BTBD19: variants seen among roughly 807,000 people sequenced by gnomAD.
BTBD19 encodes BTB domain containing 19, also known as BTB/POZ domain-containing protein 19.
Under a neutral mutation model 36.1 loss-of-function variants are expected in BTBD19, and 20 were observed. The observed-to-expected ratio is 0.55, with a 90% confidence interval of 0.39 to 0.80. The LOEUF (loss-of-function observed/expected upper bound fraction) is 0.80. Ranked by LOEUF, BTBD19 falls within the 30% of genes least tolerant of loss-of-function variation. The pLI, the probability that BTBD19 is intolerant of heterozygous loss-of-function variation, is 0.00. For synonymous variants in BTBD19, 157 were observed against 174.3 expected (o/e 0.90, Z 0.78); for missense variants, 325 against 389.8 (o/e 0.83, Z 1.40).
chr1:44,812,904 C>T, intron 4 of BTBD19, 92 bp from the exon 5 acceptor site: 1 of 1,248,762 alleles, frequency 8.0e-7, no homozygotes. Flanking sequence ...CCAGCTAGGG[C>T]TAGGGTCAGG....
At position 44,810,334 on chromosome 1, in the gene BTBD19, A is replaced by G. The variant is rs1652343093; in HGVS notation, c.208A>G (p.Ser70Gly). 1 of 1,551,700 alleles carries G rather than the reference A, an allele frequency of 6.4e-7. No homozygotes were observed. The highest frequency in any genetic ancestry group is 1.2e-5 in the South Asian group (1 of 84,066). Residue 70 changes from serine to glycine, a missense_variant, in exon 2 of 8, where the codon AGT (serine) becomes GGT (glycine). Coordinates refer to ENST00000450269, the Ensembl canonical transcript of BTBD19. This position sits in a 1 kb window ranked among gnomAD's most constrained non-coding sequence, Gnocchi z 4.2. ...CACAGAGCCAGGCCCCGGGGTGCCC[A>G]GTCCTGTGGTGCTAAGCACTGTGCC...
In BTBD19 at chr1:44,813,747, G is replaced by C. The variant is rs940752704; in HGVS notation, c.851G>C (p.Arg284Pro). Reference sequence around the variant, plus strand: ...GGCACCCTGCCCCGGGAGCATCACCGCTTTCTGGACCTGTCCTTCAAATGA... The same window carrying C: ...GGCACCCTGCCCCGGGAGCATCACCCCTTTCTGGACCTGTCCTTCAAATGA... The change falls in exon 8 of 8, where the codon CGC becomes CCC. Residue 284 changes from arginine to proline, a missense_variant. By Grantham distance (103) the Arg-to-Pro change is moderately radical. Coordinates refer to ENST00000450269, the Ensembl canonical transcript of BTBD19. The surrounding 1 kb of genome is among the most constrained non-coding windows in gnomAD (Gnocchi z 7.8). 6.4e-7 allele frequency: 1 copy of C among 1,551,288 alleles called. No individual in the cohort carries two copies. Among genetic ancestry groups the C allele is most frequent in the Non-Finnish European group, 8.7e-7 (1 of 1,146,846 alleles).
chr1:44,813,936 G>A lies in BTBD19; in HGVS notation c.*164G>A, dbSNP rs927105760. ...GTCTGCCACGCGCAGCCCCTTGTGC[G>A]GGATCAAGCCCGTGTGGGCGAGGTG... On this transcript the variant is annotated 3_prime_UTR_variant, in exon 8 of 8. Transcript: ENST00000450269. The surrounding 1 kb of genome is among the most constrained non-coding windows in gnomAD (Gnocchi z 7.8). 1.7e-6 allele frequency: 2 copies of A among 1,205,174 alleles called. No individual in the cohort carries two copies. The highest frequency in any genetic ancestry group is 1.5e-5 in the South Asian group (1 of 67,788). The allele number at this position is 1,205,174 out of a possible 1,614,324, so 74.7% of individuals were successfully genotyped here.
chr1:44,810,522 CCCTT>C lies in BTBD19; in HGVS notation c.301-29_301-26del. ...CTGTGGGCACAGGGCAGGGGAAACT[CCCTT>C]CCACTCCCCCAACCACCCACTCTAC... On this transcript the variant is annotated intron_variant, in intron 2 of 7. Coordinates refer to ENST00000450269, the Ensembl canonical transcript of BTBD19. The surrounding 1 kb of genome is among the most constrained non-coding windows in gnomAD (Gnocchi z 4.2). The C allele has an allele frequency of 6.4e-7, 1 of 1,550,670 alleles. No homozygotes were observed. Among genetic ancestry groups the C allele is most frequent in the Non-Finnish European group, 8.7e-7 (1 of 1,146,854 alleles).
Position 44,813,051 on chromosome 1 carries a change from A to G in BTBD19, c.470A>G (p.Glu157Gly). 6.4e-7 allele frequency: 1 copy of G among 1,551,422 alleles called. No individual in the cohort carries two copies. The highest frequency in any genetic ancestry group is 8.7e-7 in the Non-Finnish European group (1 of 1,146,820). ...CAGGAGCGCTGCGTGGCTTTCATAG[A>G]GGCCCACAGCCAGGTACTGCTCCCT... The change falls in exon 5 of 8, where the codon GAG becomes GGG. Residue 157 changes from glutamate (E) to glycine (G), a missense_variant. Transcript: ENST00000450269. This position sits in a 1 kb window ranked among gnomAD's most constrained non-coding sequence, Gnocchi z 7.8.
At position 44,810,492 on chromosome 1, in the gene BTBD19, T is replaced by C. The variant is rs1652355037; in HGVS notation, c.301-62T>C. On this transcript the variant is annotated intron_variant, in intron 2 of 7. Transcript: ENST00000450269. This position sits in a 1 kb window ranked among gnomAD's most constrained non-coding sequence, Gnocchi z 4.2. ...GGTGCCAGAGGCAGGAGTTTGCCCA[T>C]TACACTGTGGGCACAGGGCAGGGGA... 1 of 1,549,792 alleles carries C rather than the reference T, an allele frequency of 6.5e-7. No homozygotes were observed. The highest frequency in any genetic ancestry group is 1.2e-5 in the South Asian group (1 of 83,660).
At chr1:44,814,166 CTTTCTT>C (rs1243107250), downstream of BTBD19, 3 of 137,040 alleles carry the variant, frequency 2.2e-5, no homozygotes, top group South Asian at 6.8e-4. Context: ...TTCTTTCTTT[CTTTCTT>C]TCTTTCTTTC....
In BTBD19 at chr1:44,813,847, T is replaced by A. The variant is rs554796209; in HGVS notation, c.*75T>A. On this transcript the variant is annotated 3_prime_UTR_variant, in exon 8 of 8. Transcript: ENST00000450269. The surrounding 1 kb of genome is among the most constrained non-coding windows in gnomAD (Gnocchi z 7.8). ...CCCCAAACTACAGCTCCCGAAGTGCTCGGCGTTCGGAGCGGGCTTCCGTTC... is the reference window on the plus strand; with the variant it reads ...CCCCAAACTACAGCTCCCGAAGTGCACGGCGTTCGGAGCGGGCTTCCGTTC... The A allele has an allele frequency of 3.9e-6, 6 of 1,534,000 alleles. No homozygotes were observed. In the African/African-American group the frequency reaches 8.3e-5, roughly 21 times the overall value.
chr1:44,809,818 TGGA>T (rs1652315708), intron 1 of BTBD19, among the ~76,000 whole-genome samples: 1 of 152,194 alleles, frequency 6.6e-6, no homozygotes, highest in African/African-American at 2.4e-5. Context: ...TTGCAGCTGG[TGGA>T]GGAGGAGCCA....
chr1:44,810,406 G>T lies in BTBD19; in HGVS notation c.280G>T (p.Val94Phe), dbSNP rs886477079. Residue 94 changes from valine (V) to phenylalanine (F), a missense_variant, in exon 2 of 8, where the codon GTC becomes TTC. By Grantham distance (50) the Val-to-Phe change is conservative. Coordinates refer to ENST00000450269, the Ensembl canonical transcript of BTBD19. The surrounding 1 kb of genome is among the most constrained non-coding windows in gnomAD (Gnocchi z 4.2). ...GCTGGAGTTCCTATATACCAACAGTGTCAAGCTGTACCGCCACTCTGTGAG... is the reference window on the plus strand; with the variant it reads ...GCTGGAGTTCCTATATACCAACAGTTTCAAGCTGTACCGCCACTCTGTGAG... The T allele has an allele frequency of 1.3e-5, 20 of 1,551,442 alleles. No homozygotes were observed. Among genetic ancestry groups the T allele is most frequent in the South Asian group, 2.4e-5 (2 of 84,066 alleles).
At position 44,813,133 on chromosome 1, in the gene BTBD19, C is replaced by T. The variant is rs1348725571; in HGVS notation, c.484-5C>T. 5 of 1,541,642 alleles carry T rather than the reference C, an allele frequency of 3.2e-6. No homozygotes were observed. The highest frequency in any genetic ancestry group is 2.5e-5 in the East Asian group (1 of 40,746). On this transcript the variant is annotated splice_region_variant and splice_polypyrimidine_tract_variant and intron_variant, in intron 5 of 7. Coordinates refer to ENST00000450269, the Ensembl canonical transcript of BTBD19. The surrounding 1 kb of genome is among the most constrained non-coding windows in gnomAD (Gnocchi z 7.8). ...CTCCTCCCTGACCCATTTGCCGGCT[C>T]GCAGGAGGCCCTCCGGACCCGAGGC...
At chr1:44,809,408 G>A (rs1652296171) in intron 1 of BTBD19, among the ~76,000 whole-genome samples, 2 of 152,186 alleles carry the variant, frequency 1.3e-5, no homozygotes, top group Non-Finnish European at 1.5e-5. Flanking sequence ...GATGCCAGTG[G>A]TGTCTGAAAC....
At position 44,808,918 on chromosome 1, in the gene BTBD19, G is replaced by A. The variant is rs1370932119; in HGVS notation, c.86+12G>A. The A allele has an allele frequency of 1.3e-6, 2 of 1,531,824 alleles. No homozygotes were observed. Among genetic ancestry groups the A allele is most frequent in the African/African-American group, 2.8e-5 (2 of 72,130 alleles). The allele number at this position is 1,531,824 out of a possible 1,614,324, so 94.9% of individuals were successfully genotyped here. On this transcript the variant is annotated intron_variant, in intron 1 of 7. Coordinates refer to ENST00000450269, the Ensembl canonical transcript of BTBD19. ...AACCCGCGATACAGGTGAGGGGTGG[G>A]CCCTGCCTGCGGGTTTTTCTTAGCT... is the stretch of plus-strand genomic sequence containing the variant.
chr1:44,810,375 G>C lies in BTBD19; in HGVS notation c.249G>C (p.Leu83=). The C allele has an allele frequency of 5.2e-6, 8 of 1,551,710 alleles. No homozygotes were observed. The highest frequency in any genetic ancestry group is 6.1e-6 in the Non-Finnish European group (7 of 1,146,996). The stretch of plus-strand genomic sequence containing the variant: ...GCACTGTGCCAACTGAGGCCTTCCT[G>C]GCAGTGCTGGAGTTCCTATATACCA... Residue 83 remains leucine (L), a synonymous_variant, in exon 2 of 8, where the codon CTG becomes CTC. Coordinates refer to ENST00000450269, the Ensembl canonical transcript of BTBD19. The surrounding 1 kb of genome is among the most constrained non-coding windows in gnomAD (Gnocchi z 4.2).
chr1:44,812,142 G>A (rs554995076), intron 4 of BTBD19, 44 bp downstream of exon 4: 6 of 1,263,126 alleles, frequency 4.8e-6, no homozygotes, highest in East Asian at 5.6e-5. Flanking sequence ...GGCTCTGTGT[G>A]TGGAAATGGG....
At chr1:44,814,216 C>CTTTCTTTCTTTCTT (rs1652615424), downstream of BTBD19, 1 of 98,736 alleles carries the variant, frequency 1.0e-5, no homozygotes, top group African/African-American at 4.7e-5. Context: ...CTTTCTTTTT[C>CTTTCTTTCTTTCTT]TTTCTTTCTC....
At chr1:44,814,179 TTTCTTTC>T (rs1246601366), downstream of BTBD19, 4 of 143,190 alleles carry the variant, frequency 2.8e-5, no homozygotes, top group Non-Finnish European at 5.5e-5. Flanking sequence ...TCTTTCTTTC[TTTCTTTC>T]TTTCTTTCTT....
In BTBD19 at chr1:44,813,784, G is replaced by A. The variant is rs1040434822; in HGVS notation, c.*12G>A. The A allele has an allele frequency of 3.2e-6, 5 of 1,551,138 alleles. No homozygotes were observed. The African/African-American group carries it at 6.8e-5, about 21-fold the overall frequency. On this transcript the variant is annotated 3_prime_UTR_variant, in exon 8 of 8. Transcript: ENST00000450269. This position sits in a 1 kb window ranked among gnomAD's most constrained non-coding sequence, Gnocchi z 7.8. Reference sequence around the variant, plus strand: ...TGTCCTTCAAATGATCCAACGCCGGGACTCGCAGGGAGCCCTCGACCCGCC... The same window carrying A: ...TGTCCTTCAAATGATCCAACGCCGGAACTCGCAGGGAGCCCTCGACCCGCC...
Position 44,809,119 on chromosome 1 carries a change from G to T in BTBD19, c.86+213G>T, listed in dbSNP as rs190099290. Among the ~76,000 whole-genome samples, 328 of 152,286 alleles carry T rather than the reference G, an allele frequency of 2.2e-3. 2 individuals carry two copies. The highest frequency in any genetic ancestry group is 7.3e-3 in the African/African-American group (302 of 41,566). ...CCAGAGGCAAGGCTGGCGGGGTGGA[G>T]CTGCTGTGTGAGCTCAGGCAAAGCC... On this transcript the variant is annotated intron_variant, in intron 1 of 7. Transcript: ENST00000450269.
Sources: gnomAD v4.1 joint callset for allele counts (sites outside exome capture counted in the v4.1 genomes callset) on GRCh38, gnomAD v4.1.1 for gene constraint, Gnocchi (gnomAD v3.1) non-coding constraint, MANE v1.5 for transcripts, NCBI Gene and HGNC (gene_info 2026-07-23, HGNC 2026-07-21) for gene names.